Variants in GPR141 observed in about 807,000 individuals in gnomAD.
GPR141 encodes probable G protein-coupled receptor 141.
GPR141 carries 6 observed loss-of-function variants against 6.8 expected under a neutral mutation model. The observed-to-expected ratio is 0.88, with a 90% CI of 0.48 to 1.74. The LOEUF (loss-of-function observed/expected upper bound fraction) is 1.74, where lower values mean the gene tolerates loss of function less well. GPR141 is among the 40% of genes most tolerant of loss of function. The pLI, the probability that GPR141 is intolerant of heterozygous loss-of-function variation, is 0.01. For missense variants in GPR141, 372 were observed against 372.9 expected, an observed-to-expected ratio of 1.00 and a Z score of 0.02; for synonymous variants, 140 against 142.3, an observed-to-expected ratio of 0.98 and a Z score of 0.11.
chr7:37,726,708 A>G (rs182095231), intron 2 of GPR141, among the ~76,000 whole-genome samples: 220 of 152,348 alleles, frequency 1.4e-3, no homozygotes, highest in African/African-American at 5.2e-3. Context: ...TATATTATAT[A>G]AGAACAGGAT....
At chr7:37,718,585 G>A (rs1562767) in intron 2 of GPR141, among the ~76,000 whole-genome samples, 106,673 of 151,806 alleles carry the variant, frequency 0.7, 37,649 homozygotes, top group South Asian at 0.8. Context: ...TTCTAGAAAA[G>A]AAGGTTTAGA....
intron 2 of GPR141, among the ~76,000 whole-genome samples, chr7:37,693,860 G>T (rs1359223824): frequency 1.3e-5 from 2 of 152,302 alleles, no homozygotes; most frequent in South Asian, 2.1e-4. Flanking sequence ...TGGATGTAGG[G>T]TGTCATGTCA....
At chr7:37,738,536 A>T (rs1243668577) in intron 2 of GPR141, among the ~76,000 whole-genome samples, 2 of 152,202 alleles carry the variant, frequency 1.3e-5, no homozygotes, top group Non-Finnish European at 2.9e-5. Flanking sequence ...GTAACATGAG[A>T]CAGCTGTTGC....
chr7:37,686,302 G>A (rs1435977753), intron 2 of GPR141, among the ~76,000 whole-genome samples: 1 of 151,920 alleles, frequency 6.6e-6, no homozygotes, highest in East Asian at 1.9e-4. Context: ...GTGCAAGTCT[G>A]TGCTGTCTTT....
At chr7:37,699,521 A>C (rs1437299230) in intron 2 of GPR141, among the ~76,000 whole-genome samples, 1 of 152,252 alleles carries the variant, frequency 6.6e-6, no homozygotes, top group East Asian at 1.9e-4. Context: ...AGATCGTGCC[A>C]CTGCACTCCA....
At chr7:37,686,162 CTTTTTTT>C (rs35733762) in intron 2 of GPR141, among the ~76,000 whole-genome samples, 1 of 123,876 alleles carries the variant, frequency 8.1e-6, no homozygotes, top group Non-Finnish European at 1.7e-5. Context: ...CCCTGCCTGC[CTTTTTTT>C]TTTTTTTTTT....
chr7:37,689,076 T>C (rs1217852695), intron 2 of GPR141, among the ~76,000 whole-genome samples: 1 of 152,166 alleles, frequency 6.6e-6, no homozygotes, highest in African/African-American at 2.4e-5. Flanking sequence ...TTTCCTTCTC[T>C]CAGGCCCCTG....
At chr7:37,728,639 G>A (rs966396165) in intron 2 of GPR141, among the ~76,000 whole-genome samples, 1 of 152,042 alleles carries the variant, frequency 6.6e-6, no homozygotes, top group Non-Finnish European at 1.5e-5. Flanking sequence ...AATGACCACT[G>A]AGACCCAAGC....
intron 2 of GPR141, among the ~76,000 whole-genome samples, chr7:37,722,264 C>T (rs1405313803): frequency 6.6e-6 from 1 of 152,062 alleles, no homozygotes; most frequent in Non-Finnish European, 1.5e-5. Flanking sequence ...TGGAGACATC[C>T]ACTTGATGAG....
intron 2 of GPR141, among the ~76,000 whole-genome samples, chr7:37,687,685 C>T (rs1809571409): frequency 6.6e-6 from 1 of 152,090 alleles, no homozygotes; most frequent in South Asian, 2.1e-4. Flanking sequence ...TTAGTCCCCT[C>T]TCTGAGGATT....
intron 2 of GPR141, among the ~76,000 whole-genome samples, chr7:37,725,037 C>T (rs933806972): frequency 6.6e-6 from 1 of 152,114 alleles, no homozygotes; most frequent in Non-Finnish European, 1.5e-5. Flanking sequence ...AATGGGTGCA[C>T]TGGATGCTAT....
Position 37,725,589 on chromosome 7 carries a change from T to C in GPR141, c.-14-14791T>C, listed in dbSNP as rs543902230. ...AAGGCTCAGCTCAGACGCAATTTCT[T>C]TCTCTCTTTTTTTGCACAATGGCTT... is the stretch of plus-strand genomic sequence containing the variant. On this transcript the variant is annotated intron_variant, in intron 2 of 2. Transcript: ENST00000334425. 3.3e-5 allele frequency among the ~76,000 whole-genome samples: 5 copies of C among 152,340 alleles called. No homozygotes were observed. In the East Asian group the frequency reaches 7.7e-4, roughly 24 times the overall value.
chr7:37,685,003 C>T (rs987653202), intron 1 of GPR141, among the ~76,000 whole-genome samples: 1 of 152,102 alleles, frequency 6.6e-6, no homozygotes, highest in Non-Finnish European at 1.5e-5. Flanking sequence ...TCTACAAAAG[C>T]CTTGATAGTA....
intron 2 of GPR141, among the ~76,000 whole-genome samples, chr7:37,739,489 A>G (rs1029997773): frequency 6.6e-6 from 1 of 152,224 alleles, no homozygotes; most frequent in East Asian, 1.9e-4. Flanking sequence ...ATGTAAGGCT[A>G]TCAATCTTTA....
chr7:37,741,367 TA>T lies in GPR141; in HGVS notation c.*57del, dbSNP rs1474467653. 6.3e-6 allele frequency: 8 copies of T among 1,266,402 alleles called. No homozygotes were observed. Among genetic ancestry groups the T allele is most frequent in the African/African-American group, 1.5e-5 (1 of 67,044 alleles). 78.4% of individuals were successfully genotyped at this position (1,266,402 alleles called of 1,614,324 possible). A position where few individuals can be genotyped will look rare whatever the true frequency, so the allele number is the denominator to read the frequency against. On this transcript the variant is annotated 3_prime_UTR_variant, in exon 3 of 3. Coordinates refer to ENST00000334425, the MANE Select transcript of GPR141 (RefSeq NM_001381946.1). ...TTTATATTGGGAATAAAAATGGGTA[TA>T]GGGGAGGTAAGAATGGTATTTCATT...
chr7:37,724,524 A>AT (rs975229020), intron 2 of GPR141, among the ~76,000 whole-genome samples: 46 of 151,948 alleles, frequency 3.0e-4, no homozygotes, highest in Non-Finnish European at 4.3e-4. Flanking sequence ...TTTCAGACAG[A>AT]TTTTTTTGGT....
At chr7:37,691,823 C>T (rs1809785881) in intron 2 of GPR141, among the ~76,000 whole-genome samples, 1 of 152,048 alleles carries the variant, frequency 6.6e-6, no homozygotes, top group Non-Finnish European at 1.5e-5. Flanking sequence ...CCCCCTTTAA[C>T]ACTTTGAATA....
intron 2 of GPR141, among the ~76,000 whole-genome samples, chr7:37,687,721 C>T (rs1809572293): frequency 6.6e-6 from 1 of 152,082 alleles, no homozygotes. Context: ...GCAGTGCTTG[C>T]ATGTTCTACA....
chr7:37,729,683 G>T (rs764259268), intron 2 of GPR141, among the ~76,000 whole-genome samples: 9 of 152,340 alleles, frequency 5.9e-5, no homozygotes, highest in Middle Eastern at 3.4e-3. Flanking sequence ...GGCCTGAAGG[G>T]CTTGAAAGAA....
Sources: allele counts gnomAD v4.1 joint callset (sites outside exome capture counted in the v4.1 genomes callset), GRCh38; gene constraint gnomAD v4.1.1; transcripts MANE v1.5; gene names NCBI Gene and HGNC (gene_info 2026-07-23, HGNC 2026-07-21).